Variants in WWP2 observed in about 807,000 individuals in gnomAD.
The protein encoded by WWP2 is WW domain containing E3 ubiquitin protein ligase 2.
WWP2 carries 57 observed loss-of-function variants against 121.0 expected under a neutral mutation model. The observed-to-expected ratio is 0.47, with a 90% CI of 0.38 to 0.59. The LOEUF (loss-of-function observed/expected upper bound fraction) is 0.59, where lower values mean the gene tolerates loss of function less well. Among genes scored for constraint, WWP2 ranks in the 20% least tolerant of loss-of-function variants. The pLI, the probability that WWP2 is intolerant of heterozygous loss-of-function variation, is 0.00. For missense variants in WWP2, 962 were observed against 1,158.9 expected (o/e 0.83, Z 2.47); for synonymous variants, 449 against 441.3 (o/e 1.02, Z -0.22).
At position 69,893,063 on chromosome 16, in the gene WWP2, C is replaced by G. The variant is rs186861069; in HGVS notation, c.914+4814C>G. ...ATTTGACAAATGCATCACCCTCTCTCCGGACTTAGGATCCTCCCCCATGCT... is the reference window on the plus strand; with the variant it reads ...ATTTGACAAATGCATCACCCTCTCTGCGGACTTAGGATCCTCCCCCATGCT... On this transcript the variant is annotated intron_variant, in intron 8 of 23. Transcript: ENST00000359154. 2.2e-3 allele frequency among the ~76,000 whole-genome samples: 328 copies of G among 152,312 alleles called. 3 individuals are homozygous for G. The highest frequency in any genetic ancestry group is 7.6e-3 in the African/African-American group (314 of 41,562).
At chr16:69,854,850 C>T (rs2057281359) in intron 6 of WWP2, among the ~76,000 whole-genome samples, 1 of 152,040 alleles carries the variant, frequency 6.6e-6, no homozygotes, top group African/African-American at 2.4e-5. Context: ...CGCGCCTAGC[C>T]TCTTTTTTGT....
At chr16:69,847,201 C>T (rs2151882681) in intron 6 of WWP2, among the ~76,000 whole-genome samples, 1 of 152,248 alleles carries the variant, frequency 6.6e-6, no homozygotes, top group South Asian at 2.1e-4. Context: ...TCTCCTGTCT[C>T]ATCCTCCAGA....
chr16:69,786,875 A>C, intron 1 of WWP2, 121 bp from the exon 2 acceptor site: 1 of 752,232 alleles, frequency 1.3e-6, no homozygotes, highest in Non-Finnish European at 2.1e-6. Context: ...CCCTGGTTGC[A>C]GTTGCTTGGA....
At chr16:69,914,100 AGAAAG>A in intron 9 of WWP2, among the ~76,000 whole-genome samples, 1 of 144,228 alleles carries the variant, frequency 6.9e-6, no homozygotes, top group Non-Finnish European at 1.5e-5. Flanking sequence ...AAAAAAAAAA[AGAAAG>A]TGATAAATTT....
intron 4 of WWP2, among the ~76,000 whole-genome samples, chr16:69,805,180 C>T (rs1225991724): frequency 6.6e-6 from 1 of 151,980 alleles, no homozygotes; most frequent in African/African-American, 2.4e-5. Flanking sequence ...GCTGGGATTA[C>T]AGGCGCCCAA....
Position 69,937,171 on chromosome 16 carries a change from T to C in WWP2, c.2171T>C (p.Phe724Ser). 2 of 1,613,996 alleles carry C rather than the reference T, an allele frequency of 1.2e-6. No homozygotes were observed. The highest frequency in any genetic ancestry group is 1.7e-6 in the Non-Finnish European group (2 of 1,179,992). ...TRGVEEQTKA[F>S]LDGFNEVAPL... The stretch of plus-strand genomic sequence containing the variant: ...GGCGTGGAAGAGCAGACCAAAGCCT[T>C]CCTGGATGGCTTCAACGAGGTGGCC... Residue 724 changes from phenylalanine (F) to serine (S), a missense_variant, in exon 20 of 24, where the codon TTC (phenylalanine) becomes TCC (serine). Physicochemically the swap from Phe to Ser is radical, Grantham distance 155 (BLOSUM62 -2). Around this residue, in one of 3 missense-constraint regions of WWP2, gnomAD observed 606 missense variants for 772.6 expected, o/e 0.78. Transcript: ENST00000359154. This position sits in a 1 kb window ranked among gnomAD's most constrained non-coding sequence, Gnocchi z 6.6.
intron 1 of WWP2, among the ~76,000 whole-genome samples, chr16:69,778,822 T>C (rs1163658529): frequency 1.3e-5 from 2 of 151,836 alleles, no homozygotes; most frequent in Non-Finnish European, 2.9e-5. Flanking sequence ...GTATTTTTCA[T>C]AGAGACGGGG....
intron 17 of WWP2, among the ~76,000 whole-genome samples, chr16:69,934,826 A>C (rs2058770988): frequency 6.6e-6 from 1 of 151,944 alleles, no homozygotes; most frequent in African/African-American, 2.4e-5. Context: ...AGCTTTTTAC[A>C]TTTTTAGGTT....
chr16:69,798,173 G>A (rs777247341), intron 2 of WWP2, among the ~76,000 whole-genome samples: 1 of 152,222 alleles, frequency 6.6e-6, no homozygotes, highest in Non-Finnish European at 1.5e-5. Context: ...GAAAGGAATG[G>A]GCAGTTTTAA....
In WWP2 at chr16:69,941,579, GTTCATGTGTGT is replaced by G. The variant is rs548485360; in HGVS notation, c.*1641_*1651del. On this transcript the variant is annotated 3_prime_UTR_variant, in exon 24 of 24. Transcript: ENST00000359154. ...GTTTGGAAGCATCAGGCTCACGGGT[GTTCATGTGTGT>G]TCGTGCGTGTGTGTGCGTACGTGTA... 1.3e-5 allele frequency: 2 copies of G among 153,966 alleles called. No individual in the cohort carries two copies. The highest frequency in any genetic ancestry group is 4.8e-5 in the African/African-American group (2 of 41,576). 9.5% of individuals were successfully genotyped at this position (153,966 alleles called of 1,614,324 possible). A position where few individuals can be genotyped will look rare whatever the true frequency, so the allele number is the denominator to read the frequency against.
intron 6 of WWP2, 89 bp from the exon 7 acceptor site, chr16:69,871,715 G>A: frequency 6.4e-7 from 1 of 1,553,242 alleles, no homozygotes; most frequent in Non-Finnish European, 8.8e-7. Flanking sequence ...TAAATGGCAG[G>A]AGAAGGGAAT....
At chr16:69,891,634 C>T (rs13335267) in intron 8 of WWP2, among the ~76,000 whole-genome samples, 5,648 of 152,172 alleles carry the variant, frequency 0.037, 294 homozygotes, top group African/African-American at 0.12. Context: ...TGATGCGTGC[C>T]CTGGTCACTC....
chr16:69,823,088 G>A (rs961172074), intron 4 of WWP2, among the ~76,000 whole-genome samples: 2 of 152,230 alleles, frequency 1.3e-5, no homozygotes, highest in Non-Finnish European at 2.9e-5. Context: ...CCAAGATCGC[G>A]CCACTGCACT....
chr16:69,831,209 A>C (rs942563602), intron 4 of WWP2, among the ~76,000 whole-genome samples: 1 of 152,148 alleles, frequency 6.6e-6, no homozygotes, highest in African/African-American at 2.4e-5. Flanking sequence ...ATGTTTCTCA[A>C]ATTTCCAGGT....
chr16:69,846,070 A>AAAAG (rs58504050), intron 6 of WWP2, among the ~76,000 whole-genome samples: 1 of 149,648 alleles, frequency 6.7e-6, no homozygotes, highest in African/African-American at 2.5e-5. Context: ...AAAAAAAAAA[A>AAAAG]GAATACTTAT....
rs1181677264 is a variant in WWP2 at position 69,798,690 on chromosome 16, G to A, written c.79G>A (p.Ala27Thr). ...KSQLTLKVVS[A>T]KPKVHNRQPR... ...CTTTCTTTCTCTCCCAGTGGTGTCCGCAAAGCCCAAGGTGCATAATCGTCA... is the reference window on the plus strand; with the variant it reads ...CTTTCTTTCTCTCCCAGTGGTGTCCACAAAGCCCAAGGTGCATAATCGTCA... The change falls in exon 3 of 24, where the codon GCA becomes ACA. Residue 27 changes from alanine (A) to threonine (T), a missense_variant. Ala to Thr is a moderately conservative substitution (Grantham distance 58). Around this residue, in one of 3 missense-constraint regions of WWP2, gnomAD observed 145 missense variants for 189.8 expected, o/e 0.76. Coordinates refer to ENST00000359154, the MANE Select transcript of WWP2 (RefSeq NM_001270454.2). 4.3e-6 allele frequency: 7 copies of A among 1,613,328 alleles called. No homozygotes were observed. Among genetic ancestry groups the A allele is most frequent in the Admixed American group, 1.7e-5 (1 of 59,994 alleles).
At chr16:69,882,527 G>A (rs1271669185) in intron 7 of WWP2, among the ~76,000 whole-genome samples, 1 of 152,202 alleles carries the variant, frequency 6.6e-6, no homozygotes, top group East Asian at 1.9e-4. Context: ...TTCCAGAAAA[G>A]AAGTTGAAAC....
intron 4 of WWP2, among the ~76,000 whole-genome samples, chr16:69,811,065 A>G (rs996658501): frequency 2.6e-5 from 4 of 152,048 alleles, no homozygotes; most frequent in African/African-American, 9.7e-5. Flanking sequence ...GGAATTTTCA[A>G]ACATAATTTT....
chr16:69,919,814 A>G (rs940164450), intron 10 of WWP2, among the ~76,000 whole-genome samples: 2 of 142,820 alleles, frequency 1.4e-5, no homozygotes, highest in African/African-American at 2.7e-5. Context: ...TTTTTGAGAC[A>G]AGGTCTCATT....
Sources: gnomAD v4.1 joint callset for allele counts (sites outside exome capture counted in the v4.1 genomes callset) on GRCh38, gnomAD v4.1.1 for gene constraint, gnomAD v4.1.1 regional missense constraint, Gnocchi (gnomAD v3.1) non-coding constraint, MANE v1.5 for transcripts, NCBI Gene and HGNC (gene_info 2026-07-23, HGNC 2026-07-21) for gene names.